Variants in USP44 observed in about 807,000 individuals in gnomAD.
USP44 encodes ubiquitin specific peptidase 44.
USP44 carries 61 observed loss-of-function variants against 69.0 expected under a neutral mutation model. The ratio of observed to expected loss-of-function variants is 0.88; its 90% CI spans 0.72 to 1.09. The LOEUF (loss-of-function observed/expected upper bound fraction) is 1.09, where lower values mean the gene tolerates loss of function less well. Ranked by LOEUF, USP44 falls within the 50% of genes least tolerant of loss-of-function variation. The probability of loss-of-function intolerance (pLI) is 0.00; values close to 1 mark genes in which losing one functional copy is unlikely to be tolerated. For synonymous variants in USP44, 297 were observed against 295.4 expected (o/e 1.01, Z -0.06); for missense variants, 753 against 849.9 (o/e 0.89, Z 1.42).
chr12:95,549,443 G>A (rs1299112209), intron 1 of USP44, among the ~76,000 whole-genome samples: 1 of 152,098 alleles, frequency 6.6e-6, no homozygotes, highest in Non-Finnish European at 1.5e-5. Flanking sequence ...AGGAAAAGGA[G>A]GGGAAATCTG....
intron 1 of USP44, among the ~76,000 whole-genome samples, chr12:95,543,828 G>T (rs12823146): frequency 0.41 from 61,493 of 149,988 alleles, 13,616 homozygotes; most frequent in African/African-American, 0.59. Flanking sequence ...TTAGCCAGGC[G>T]TAGTGGCGGG....
chr12:95,535,398 C>T (rs912998515), intron 1 of USP44: 3 of 152,104 alleles, frequency 2.0e-5, no homozygotes, highest in Non-Finnish European at 4.4e-5. Context: ...CTATAACATA[C>T]TCTGAGGCCG....
chr12:95,527,838 T>TA (rs58117598), intron 3 of USP44, among the ~76,000 whole-genome samples: 2 of 129,818 alleles, frequency 1.5e-5, no homozygotes, highest in African/African-American at 3.0e-5. Context: ...GGAAGATGCT[T>TA]TTTTTTTTTT....
intron 4 of USP44, among the ~76,000 whole-genome samples, chr12:95,523,001 A>T (rs1050590534): frequency 2.0e-5 from 3 of 152,076 alleles, no homozygotes; most frequent in African/African-American, 7.3e-5. Flanking sequence ...AAGCCTCCAT[A>T]AAAACCCAAA....
intron 4 of USP44, among the ~76,000 whole-genome samples, chr12:95,523,549 C>G (rs1239873242): frequency 6.6e-6 from 1 of 152,064 alleles, no homozygotes; most frequent in Non-Finnish European, 1.5e-5. Context: ...AAACTGAGTT[C>G]GGTTTTTCCA....
At chr12:95,520,174 T>C (rs2076613935) in intron 5 of USP44, among the ~76,000 whole-genome samples, 1 of 151,692 alleles carries the variant, frequency 6.6e-6, no homozygotes, top group Non-Finnish European at 1.5e-5. Context: ...TGGAGTTTCA[T>C]TCTTTGTTCA....
At chr12:95,541,206 A>G (rs947655654) in intron 1 of USP44, among the ~76,000 whole-genome samples, 1 of 152,256 alleles carries the variant, frequency 6.6e-6, no homozygotes, top group Middle Eastern at 3.4e-3. Flanking sequence ...CACCTGGGAG[A>G]CGGAGGTTGC....
chr12:95,529,245 G>A (rs958712807), intron 2 of USP44, among the ~76,000 whole-genome samples: 2 of 151,684 alleles, frequency 1.3e-5, no homozygotes, highest in African/African-American at 4.8e-5. Flanking sequence ...AAGCTCTAAG[G>A]GCATTAAATT....
At chr12:95,543,966 C>CA (rs760105964) in intron 1 of USP44, among the ~76,000 whole-genome samples, 922 of 47,236 alleles carry the variant, frequency 0.02, 16 homozygotes, top group East Asian at 0.037. Flanking sequence ...GACTGCATCT[C>CA]AAAAAAAAAA....
chr12:95,537,607 A>G (rs1022200115), intron 1 of USP44, among the ~76,000 whole-genome samples: 2 of 152,104 alleles, frequency 1.3e-5, no homozygotes, highest in Non-Finnish European at 2.9e-5. Flanking sequence ...ATGAGCCACC[A>G]CGCCAGGCCG....
chr12:95,525,663 C>T (rs1237213202), intron 3 of USP44, among the ~76,000 whole-genome samples: 1 of 152,232 alleles, frequency 6.6e-6, no homozygotes, highest in Non-Finnish European at 1.5e-5. Context: ...AGGCCTCCCT[C>T]ACTCAAGCGT....
intron 4 of USP44, 27 bp from the exon 5 acceptor site, chr12:95,521,229 C>G (rs1565802099): frequency 1.2e-6 from 2 of 1,611,982 alleles, no homozygotes; most frequent in African/African-American, 2.7e-5. Flanking sequence ...GTAAAATTAT[C>G]CACACAATTA....
chr12:95,530,319 A>G (rs938179138), intron 2 of USP44, among the ~76,000 whole-genome samples: 2 of 152,188 alleles, frequency 1.3e-5, no homozygotes, highest in African/African-American at 4.8e-5. Flanking sequence ...AAAAGCAAAA[A>G]CACACAAAAA....
At chr12:95,544,594 AAGTC>A (rs921973413) in intron 1 of USP44, among the ~76,000 whole-genome samples, 12 of 152,274 alleles carry the variant, frequency 7.9e-5, no homozygotes, top group African/African-American at 2.6e-4. Flanking sequence ...ATTTTAATGA[AAGTC>A]AGGAAGTTAC....
At chr12:95,539,902 C>T (rs1411824166) in intron 1 of USP44, among the ~76,000 whole-genome samples, 2 of 152,180 alleles carry the variant, frequency 1.3e-5, no homozygotes, top group African/African-American at 2.4e-5. Context: ...TCAAATATCA[C>T]AGGTAATATA....
intron 1 of USP44, 92 bp from the exon 2 acceptor site, chr12:95,534,418 C>G (rs1162184563): frequency 6.0e-6 from 4 of 666,144 alleles, no homozygotes; most frequent in Non-Finnish European, 9.7e-6. Context: ...CCTCTGCTCC[C>G]AATTTCTAGG....
intron 4 of USP44, 53 bp from the exon 5 acceptor site, chr12:95,521,255 G>C (rs1407681005): frequency 1.3e-6 from 2 of 1,546,672 alleles, no homozygotes; most frequent in Non-Finnish European, 8.9e-7. Context: ...AAATAACCAC[G>C]TACTAGGTCT....
intron 4 of USP44, among the ~76,000 whole-genome samples, chr12:95,523,996 C>T (rs1327340714): frequency 6.6e-6 from 1 of 152,060 alleles, no homozygotes; most frequent in African/African-American, 2.4e-5. Context: ...CCTGTCTCAG[C>T]CTCCCAAGTA....
intron 2 of USP44, among the ~76,000 whole-genome samples, chr12:95,530,646 T>TATAGATAGATAG (rs56051106): frequency 0.011 from 1,671 of 147,442 alleles, 18 homozygotes; most frequent in East Asian, 0.045. Flanking sequence ...CTACTGGAAA[T>TATAGATAGATAG]ATAGATAGAT....
Sources: gnomAD v4.1 joint callset for allele counts (sites outside exome capture counted in the v4.1 genomes callset) on GRCh38, gnomAD v4.1.1 for gene constraint, MANE v1.5 for transcripts, NCBI Gene and HGNC (gene_info 2026-07-23, HGNC 2026-07-21) for gene names.